Variants in ATP13A2 observed in about 807,000 individuals in gnomAD.
ATP13A2 encodes polyamine-transporting ATPase 13A2.
In ATP13A2, 83 loss-of-function variants were observed where a neutral mutation model predicts 138.3. That is an observed-to-expected ratio of 0.60 (90% CI 0.50 to 0.72). ATP13A2 has a LOEUF of 0.72. Ranked by LOEUF, ATP13A2 falls within the 30% of genes least tolerant of loss-of-function variation. The probability of loss-of-function intolerance (pLI) is 0.00; values close to 1 mark genes in which losing one functional copy is unlikely to be tolerated. For synonymous variants in ATP13A2, 663 were observed against 699.0 expected, an observed-to-expected ratio of 0.95 and a Z score of 0.81; for missense variants, 1,402 against 1,606.4, an observed-to-expected ratio of 0.87 and a Z score of 2.17.
At position 16,996,872 on chromosome 1, in the gene ATP13A2, G is replaced by GC. The variant is rs1553168857; in HGVS notation, c.1195+147_1195+148insG. On this transcript the variant is annotated intron_variant, in intron 12 of 28. Coordinates refer to ENST00000326735, the MANE Select transcript of ATP13A2 (RefSeq NM_022089.4). ...AGATGGGAATGCTCAGACCCCAGAT[G>GC]GGGGGCAACTGGCCCGAGGTCCCAC... The GC allele has an allele frequency of 3.1e-6, 3 of 965,190 alleles. No homozygotes were observed. The Admixed American group carries it at 7.2e-5, about 23-fold the overall frequency. 59.8% of individuals were successfully genotyped at this position (965,190 alleles called of 1,614,324 possible). A position where few individuals can be genotyped will look rare whatever the true frequency, so the allele number is the denominator to read the frequency against.
rs2076753922 is a variant in ATP13A2, at chr1:16,986,940, T to A, written c.3100A>T (p.Arg1034Trp). Residue 1034 changes from arginine to tryptophan, a missense_variant, in exon 27 of 29, where the codon AGG becomes TGG. Coordinates refer to ENST00000326735, the MANE Select transcript of ATP13A2 (RefSeq NM_022089.4). This position sits in a 1 kb window ranked among gnomAD's most constrained non-coding sequence, Gnocchi z 6.9. ...LAQPWFVPLN[R>W]TVAAPDNLPN... ...AGGTTGTCTGGTGCGGCCACTGTCC[T>A]GTTCAGAGGCACGAACCTGGGGGTA... 1 of 1,612,942 alleles carries A rather than the reference T, an allele frequency of 6.2e-7. No homozygotes were observed. The highest frequency in any genetic ancestry group is 8.5e-7 in the Non-Finnish European group (1 of 1,179,782).
chr1:17,009,106 A>C (rs2077679642), intron 1 of ATP13A2, among the ~76,000 whole-genome samples: 1 of 152,214 alleles, frequency 6.6e-6, no homozygotes, highest in Non-Finnish European at 1.5e-5. Context: ...GAGAGCACTG[A>C]GCCTCTGGGG....
At position 17,000,567 on chromosome 1, in the gene ATP13A2, G is replaced by A. The variant is rs151269709; in HGVS notation, c.706-33C>T. ...AGGGGCGGGAGGCAGCGTCAGGGCC[G>A]CGTCCCCCAGGGCAGCCCAGCCACA... is the stretch of plus-strand genomic sequence containing the variant. On this transcript the variant is annotated intron_variant, in intron 8 of 28. Coordinates refer to ENST00000326735, the MANE Select transcript of ATP13A2 (RefSeq NM_022089.4). The A allele has an allele frequency of 2.5e-4, 402 of 1,605,916 alleles. 3 individuals carry two copies. In the African/African-American group the frequency reaches 4.9e-3, roughly 20 times the overall value.
rs192956910 is a variant in ATP13A2, at chr1:17,005,177, A to G, written c.289-105T>C. On this transcript the variant is annotated intron_variant, in intron 3 of 28. Coordinates refer to ENST00000326735, the MANE Select transcript of ATP13A2 (RefSeq NM_022089.4). ...GCTGGAGAAGGCAGAAATCAAGGCT[A>G]TGGAGAGCCCTCCAGAAACCACCCG... 1.9e-4 allele frequency: 294 copies of G among 1,537,468 alleles called. 1 individual carries two copies. In the African/African-American group the frequency reaches 3.6e-3, roughly 19 times the overall value.
At position 17,004,345 on chromosome 1, in the gene ATP13A2, A is replaced by C; in HGVS notation, c.544T>G (p.Phe182Val). 1 of 1,613,950 alleles carries C rather than the reference A, an allele frequency of 6.2e-7. No homozygotes were observed. Among genetic ancestry groups the C allele is most frequent in the South Asian group, 1.1e-5 (1 of 91,028 alleles). Residue 182 changes from phenylalanine to valine, a missense_variant, in exon 6 of 29, where the codon TTC becomes GTC. Transcript: ENST00000326735. The surrounding 1 kb of genome is among the most constrained non-coding windows in gnomAD (Gnocchi z 4.1). ...RYIWIETQQA[F>V]YQVSLLDHGR... Reference sequence around the variant, plus strand: ...CCTGACTCCTACCTGACCTGGTAGAAGGCTTGCTGGGTCTCGATCCAGATA... The same window carrying C: ...CCTGACTCCTACCTGACCTGGTAGACGGCTTGCTGGGTCTCGATCCAGATA...
At chr1:17,006,619 C>A (rs1251913018) in intron 1 of ATP13A2, among the ~76,000 whole-genome samples, 1 of 152,066 alleles carries the variant, frequency 6.6e-6, no homozygotes, top group Non-Finnish European at 1.5e-5. Flanking sequence ...GAGAATGGGG[C>A]CTGGACAGTG....
In ATP13A2 at chr1:16,989,772, T is replaced by G; in HGVS notation, c.2530-2A>C. On this transcript the variant is annotated splice_acceptor_variant, in intron 22 of 28. Transcript: ENST00000326735. LOFTEE classifies it high-confidence loss of function. ...AAAGACAGTGCCCTGGACCAGGACC[T>G]GGGAGCACAGGGAGATGGGGGAGGG... 1 of 1,613,884 alleles carries G rather than the reference T, an allele frequency of 6.2e-7. No individual in the cohort carries two copies. The highest frequency in any genetic ancestry group is 8.5e-7 in the Non-Finnish European group (1 of 1,180,000).
rs560095049 is a variant in ATP13A2, at chr1:16,996,058, C to T, written c.1460G>A (p.Arg487Gln). The change falls in exon 15 of 29, where the codon CGA (arginine) becomes CAA (glutamine). Residue 487 changes from arginine (R) to glutamine (Q), a missense_variant. By Grantham distance (43) the Arg-to-Gln change is conservative. Coordinates refer to ENST00000326735, the MANE Select transcript of ATP13A2 (RefSeq NM_022089.4). ...GCAGAAAATGCCCTGTCTCCGCAGT[C>T]GGCTCTGGGCGTAGAGCGTGCACAC... is the stretch of plus-strand genomic sequence containing the variant. ...MTVCTLYAQSRLRRQGIFCIH... is the reference protein window; with the variant it reads ...MTVCTLYAQSQLRRQGIFCIH... 39 of 1,614,106 alleles carry T rather than the reference C, an allele frequency of 2.4e-5. No homozygotes were observed. In the South Asian group the frequency reaches 3.1e-4, roughly 13 times the overall value.
chr1:16,992,457 C>T (rs761037315), intron 17 of ATP13A2, 29 bp downstream of exon 17: 1 of 1,613,788 alleles, frequency 6.2e-7, no homozygotes, highest in South Asian at 1.1e-5. Flanking sequence ...CCCCTCTGCC[C>T]TGCACCCAAC....
chr1:17,000,806 G>T (rs889780533), intron 8 of ATP13A2: 3 of 439,498 alleles, frequency 6.8e-6, no homozygotes, highest in South Asian at 2.6e-5. Flanking sequence ...GCCTGATGGG[G>T]TGGCCTGTGC....
intron 17 of ATP13A2, 28 bp downstream of exon 17, chr1:16,992,458 T>A (rs2100784561): frequency 1.2e-6 from 2 of 1,613,716 alleles, no homozygotes; most frequent in Non-Finnish European, 1.7e-6. Flanking sequence ...CCCTCTGCCC[T>A]GCACCCAACA....
chr1:16,989,686 C>T lies in ATP13A2; in HGVS notation c.2609+5G>A. On this transcript the variant is annotated splice_donor_5th_base_variant and intron_variant, in intron 23 of 28. Coordinates refer to ENST00000326735, the MANE Select transcript of ATP13A2 (RefSeq NM_022089.4). The stretch of plus-strand genomic sequence containing the variant: ...CCTTGCCCACACCCTCTGCCGAGCA[C>T]TCACTGAAGCTTCTGTAGCTCGCAC... 1 of 1,614,088 alleles carries T rather than the reference C, an allele frequency of 6.2e-7. No individual in the cohort carries two copies. Among genetic ancestry groups the T allele is most frequent in the Non-Finnish European group, 8.5e-7 (1 of 1,180,016 alleles).
At chr1:17,000,194 G>GCTC in intron 10 of ATP13A2, 52 bp from the exon 11 acceptor site, 1 of 1,570,256 alleles carries the variant, frequency 6.4e-7, no homozygotes, top group South Asian at 1.1e-5. Flanking sequence ...CCCCAGCCAT[G>GCTC]CCCCCCCACC....
At position 16,995,945 on chromosome 1, in the gene ATP13A2, TC is replaced by T; in HGVS notation, c.1542+30del. The T allele has an allele frequency of 1.9e-6, 3 of 1,612,882 alleles. No homozygotes were observed. The highest frequency in any genetic ancestry group is 2.5e-6 in the Non-Finnish European group (3 of 1,179,854). On this transcript the variant is annotated intron_variant, in intron 15 of 28. Transcript: ENST00000326735. This position sits in a 1 kb window ranked among gnomAD's most constrained non-coding sequence, Gnocchi z 4.1. ...ACTGGGGCGCCTGTGGCTGTCCCGC[TC>T]CCCTGCACCAACCCCACCTGCGGCC...
Position 17,005,664 on chromosome 1 carries a change from A to T in ATP13A2, c.105+20T>A. Reference sequence around the variant, plus strand: ...CATTCACCCCCTGCAGCTTTTCCCCACCCCACTCTGCCCACTTACCACGGA... The same window carrying T: ...CATTCACCCCCTGCAGCTTTTCCCCTCCCCACTCTGCCCACTTACCACGGA... On this transcript the variant is annotated intron_variant, in intron 2 of 28. Coordinates refer to ENST00000326735, the MANE Select transcript of ATP13A2 (RefSeq NM_022089.4). 6.2e-7 allele frequency: 1 copy of T among 1,613,222 alleles called. No homozygotes were observed. Among genetic ancestry groups the T allele is most frequent in the South Asian group, 1.1e-5 (1 of 90,934 alleles).
Position 17,000,261 on chromosome 1 carries a change from A to G in ATP13A2, c.892T>C (p.Cys298Arg). 6.7e-7 allele frequency: 1 copy of G among 1,492,752 alleles called. No individual in the cohort carries two copies. 92.5% of individuals were successfully genotyped at this position (1,492,752 alleles called of 1,614,324 possible). ...AGCTCCTCACCTCCCCCTGGCCGGC[A>G]CACGCACACCCGCATGGACAACTTG... Reference protein sequence around the residue: ...MVKLSMRVCVCRPGGEEEWVD... With the variant: ...MVKLSMRVCVRRPGGEEEWVD... Residue 298 changes from cysteine (C) to arginine (R), a missense_variant, in exon 10 of 29, where the codon TGC becomes CGC. By Grantham distance (180) the Cys-to-Arg change is radical. Transcript: ENST00000326735.
intron 23 of ATP13A2, among the ~76,000 whole-genome samples, chr1:16,988,782 G>A (rs888035842): frequency 4.6e-5 from 7 of 151,990 alleles, no homozygotes; most frequent in African/African-American, 7.2e-5. Context: ...ACAGACGCCC[G>A]CCACCACGCC....
rs779637529 is a variant in ATP13A2 at position 16,986,247 on chromosome 1, G to GCGGCCAGGGCTGCT, written c.3503_3516dup (p.Pro1173SerfsTer12). 1.1e-4 allele frequency: 174 copies of GCGGCCAGGGCTGCT among 1,610,094 alleles called. No individual in the cohort carries two copies. The African/African-American group carries it at 2.1e-3, about 19-fold the overall frequency. ...TACCTCAGGGGGCCGGCGGGCAGCGGCGGCCAGGGCTGCTCGGCCAGCTCT... is the reference window on the plus strand; with the variant it reads ...TACCTCAGGGGGCCGGCGGGCAGCGGCGGCCAGGGCTGCTCGGCCAGGGCTGCTCGGCCAGCTCT... On this transcript the variant is annotated frameshift_variant, in exon 29 of 29. Coordinates refer to ENST00000326735, the MANE Select transcript of ATP13A2 (RefSeq NM_022089.4). LOFTEE classifies it high-confidence loss of function. The surrounding 1 kb of genome is among the most constrained non-coding windows in gnomAD (Gnocchi z 6.9).
intron 1 of ATP13A2, among the ~76,000 whole-genome samples, chr1:17,008,050 A>T (rs1221497272): frequency 1.3e-5 from 2 of 148,962 alleles, no homozygotes; most frequent in Non-Finnish European, 3.0e-5. Flanking sequence ...TCATTCATTC[A>T]TTCATTCATT....
Sources: gnomAD v4.1 joint callset for allele counts (sites outside exome capture counted in the v4.1 genomes callset) on GRCh38, gnomAD v4.1.1 for gene constraint, Gnocchi (gnomAD v3.1) non-coding constraint, MANE v1.5 for transcripts, NCBI Gene and HGNC (gene_info 2026-07-23, HGNC 2026-07-21) for gene names.